Variants in SNAPC4 observed in about 807,000 individuals in gnomAD.
SNAPC4 encodes the protein small nuclear RNA activating complex polypeptide 4.
A neutral mutation model predicts 151.3 loss-of-function variants in SNAPC4; 127 were observed. That is an observed-to-expected ratio of 0.84 (90% CI 0.73 to 0.97). The LOEUF is 0.97. Among genes scored for constraint, SNAPC4 ranks in the 50% least tolerant of loss-of-function variants. The pLI, the probability that SNAPC4 is intolerant of heterozygous loss-of-function variation, is 0.00. For synonymous variants in SNAPC4, 1,002 were observed against 824.4 expected (o/e 1.22, Z -3.69); for missense variants, 2,186 against 1,935.0 (o/e 1.13, Z -2.43).
At position 136,379,000 on chromosome 9, in the gene SNAPC4, G is replaced by T; in HGVS notation, c.2827C>A (p.Pro943Thr). The change falls in exon 22 of 24, where the codon CCG becomes ACG. Residue 943 changes from proline to threonine, a missense_variant. Transcript: ENST00000684778. ...GGTACATTTAAGACGGTGGGACCCG[G>T]GGCTGGGCGGCCGTGTGGGGTGTGT... ...LPHTPHGRPA[P>T]GPTVLNVPLS... 1 of 1,606,968 alleles carries T rather than the reference G, an allele frequency of 6.2e-7. No individual in the cohort carries two copies.
chr9:136,397,737 G>A (rs1412504434), intron 2 of SNAPC4, among the ~76,000 whole-genome samples: 1 of 148,060 alleles, frequency 6.8e-6, no homozygotes, highest in East Asian at 2.0e-4. Flanking sequence ...GAGCACTTGG[G>A]GTGGGGAGCA....
intron 10 of SNAPC4, among the ~76,000 whole-genome samples, chr9:136,391,514 C>T (rs1305869956): frequency 6.6e-6 from 1 of 152,150 alleles, no homozygotes; most frequent in Non-Finnish European, 1.5e-5. Flanking sequence ...GCCTAACAAG[C>T]CTCGTTATCA....
In SNAPC4 at chr9:136,383,251, T is replaced by A; in HGVS notation, c.1918A>T (p.Arg640Trp). Residue 640 changes from arginine to tryptophan, a missense_variant, in exon 16 of 24, where the codon AGG becomes TGG. Coordinates refer to ENST00000684778, the MANE Select transcript of SNAPC4 (RefSeq NM_003086.4). This position sits in a 1 kb window ranked among gnomAD's most constrained non-coding sequence, Gnocchi z 4.2. ...VPARAHGPVP[R>W]SAQASHSADT... is the part of the protein sequence containing the mutation. ...GCTGAGTGGGAGGCCTGGGCAGACCTCGGGACAGGGCCGTGGGCCCTGGCA... is the reference window on the plus strand; with the variant it reads ...GCTGAGTGGGAGGCCTGGGCAGACCACGGGACAGGGCCGTGGGCCCTGGCA... 2 of 1,603,438 alleles carry A rather than the reference T, an allele frequency of 1.2e-6. No homozygotes were observed. The highest frequency in any genetic ancestry group is 1.7e-6 in the Non-Finnish European group (2 of 1,175,436).
chr9:136,385,143 C>A (rs1833848497), intron 13 of SNAPC4, among the ~76,000 whole-genome samples: 1 of 152,206 alleles, frequency 6.6e-6, no homozygotes, highest in South Asian at 2.1e-4. Context: ...TCAACAGACA[C>A]TTCTCTAAAA....
intron 22 of SNAPC4, 113 bp downstream of exon 22, chr9:136,377,430 C>T: frequency 1.5e-6 from 2 of 1,331,988 alleles, no homozygotes; most frequent in Non-Finnish European, 2.0e-6. Context: ...ACCCAGCAGC[C>T]AGCCTTCCTG....
rs150442706 is a variant in SNAPC4 at position 136,398,318 on chromosome 9, G to A, written c.111C>T (p.Leu37=). 2.5e-6 allele frequency: 4 copies of A among 1,612,758 alleles called. No individual in the cohort carries two copies. The highest frequency in any genetic ancestry group is 2.2e-5 in the East Asian group (1 of 44,808). The part of the protein sequence containing the change: ...GSHVEISESS[L]ESDSEADSLP... ...GCTTACCTGCTTCAGAATCTGACTC[G>A]AGACTTGATTCTGAGATCTCCACGT... The change falls in exon 2 of 24, where the codon CTC becomes CTT. Residue 37 remains leucine (L), a synonymous_variant. Transcript: ENST00000684778.
chr9:136,379,701 C>T (rs554906694), intron 21 of SNAPC4, 136 bp downstream of exon 21: 7 of 834,968 alleles, frequency 8.4e-6, no homozygotes, highest in Admixed American at 2.0e-5. Flanking sequence ...TGGTGGGACT[C>T]GAGGGAGCTC....
rs1000896585 is a variant in SNAPC4, at chr9:136,383,635, C to A, written c.1534G>T (p.Ala512Ser). 10 of 1,609,602 alleles carry A rather than the reference C, an allele frequency of 6.2e-6. No individual in the cohort carries two copies. Among genetic ancestry groups the A allele is most frequent in the African/African-American group, 2.7e-5 (2 of 75,000 alleles). ...KQGLRRRRRRARHSVRWSSTS... is the reference protein window; with the variant it reads ...KQGLRRRRRRSRHSVRWSSTS... ...GAGCTCCACCGGACGCTGTGACGGG[C>A]CCTCCGCCGCCGCCTCCGGAGACCC... Residue 512 changes from alanine to serine, a missense_variant, in exon 16 of 24, where the codon GCC (alanine) becomes TCC (serine). Coordinates refer to ENST00000684778, the MANE Select transcript of SNAPC4 (RefSeq NM_003086.4). This position sits in a 1 kb window ranked among gnomAD's most constrained non-coding sequence, Gnocchi z 4.2.
chr9:136,397,876 C>T (rs1834329929), intron 2 of SNAPC4, among the ~76,000 whole-genome samples: 2 of 152,158 alleles, frequency 1.3e-5, no homozygotes, highest in Non-Finnish European at 1.5e-5. Flanking sequence ...GGATGGTCCA[C>T]TCCAGAAGCC....
At chr9:136,382,712 C>G (rs1833743733) in intron 16 of SNAPC4, among the ~76,000 whole-genome samples, 1 of 152,230 alleles carries the variant, frequency 6.6e-6, no homozygotes, top group South Asian at 2.1e-4. Context: ...CCAGGACAGA[C>G]CAGCCTGTTC....
Position 136,392,024 on chromosome 9 carries a change from C to T in SNAPC4, c.893G>A (p.Ser298Asn), listed in dbSNP as rs900934247. The change falls in exon 10 of 24, where the codon AGC becomes AAC. Residue 298 changes from serine (S) to asparagine (N), a missense_variant. Ser to Asn is a conservative substitution (Grantham distance 46, BLOSUM62 1). Transcript: ENST00000684778. ...CTGCAGCCGCTCCTCCTCCTCCCTG[C>T]TCCACTCCTGCTTGTTGATGCTGGG... is the stretch of plus-strand genomic sequence containing the variant. ...EHPSINKQEW[S>N]REEEERLQAI... The T allele has an allele frequency of 1.2e-6, 2 of 1,612,182 alleles. No individual in the cohort carries two copies. Among genetic ancestry groups the T allele is most frequent in the Non-Finnish European group, 8.5e-7 (1 of 1,179,992 alleles).
At chr9:136,398,533 C>A in intron 1 of SNAPC4, 96 bp from the exon 2 acceptor site, 1 of 1,446,564 alleles carries the variant, frequency 6.9e-7, no homozygotes. Context: ...ATGGCAGGAG[C>A]CTGCTCGGCA....
At chr9:136,382,415 G>A (rs1290506359) in intron 16 of SNAPC4, 79 bp from the exon 17 acceptor site, 6 of 1,186,184 alleles carry the variant, frequency 5.1e-6, no homozygotes, top group South Asian at 3.8e-5. Context: ...GCCCACACAC[G>A]ACTGCCTCTT....
At chr9:136,390,185 C>T (rs929763052) in intron 10 of SNAPC4, among the ~76,000 whole-genome samples, 2 of 152,096 alleles carry the variant, frequency 1.3e-5, no homozygotes, top group Non-Finnish European at 2.9e-5. Context: ...GCTGGTCAGG[C>T]GGGTGGGAAA....
chr9:136,392,137 G>T, intron 9 of SNAPC4, 31 bp from the exon 10 acceptor site: 1 of 1,609,004 alleles, frequency 6.2e-7, no homozygotes. Flanking sequence ...AGCCTTGCAG[G>T]CCACTGACCC....
At chr9:136,390,549 T>G (rs1303901686) in intron 10 of SNAPC4, among the ~76,000 whole-genome samples, 1 of 72,646 alleles carries the variant, frequency 1.4e-5, no homozygotes, top group Admixed American at 1.9e-4. Context: ...AGTGAGACTC[T>G]GTTTGAAAAA....
chr9:136,387,901 T>C (rs1251878290), intron 11 of SNAPC4, 53 bp from the exon 12 acceptor site: 14 of 1,002,680 alleles, frequency 1.4e-5, no homozygotes, highest in African/African-American at 4.8e-5. Context: ...ACACCCTCCA[T>C]AGAGTAGACA....
Position 136,392,598 on chromosome 9 carries a change from G to C in SNAPC4, c.738-4C>G, listed in dbSNP as rs771536657. On this transcript the variant is annotated splice_polypyrimidine_tract_variant and splice_region_variant and intron_variant, in intron 8 of 23. Coordinates refer to ENST00000684778, the MANE Select transcript of SNAPC4 (RefSeq NM_003086.4). ...CAAGGCCTCTTCTGGAAGCTGGCTG[G>C]TGGAAGGGATGAGGGTATTGGCACC... 1 of 1,613,886 alleles carries C rather than the reference G, an allele frequency of 6.2e-7. No individual in the cohort carries two copies. The highest frequency in any genetic ancestry group is 1.7e-5 in the Admixed American group (1 of 60,030).
Position 136,395,383 on chromosome 9 carries a change from T to G in SNAPC4, c.386A>C (p.Lys129Thr). Reference sequence around the variant, plus strand: ...GGGCAGGCTTTTGCCATCTTTCACCTTGGTGCCTTTGGACCCAGCCAGATC... The same window carrying G: ...GGGCAGGCTTTTGCCATCTTTCACCGTGGTGCCTTTGGACCCAGCCAGATC... ...MRDLAGSKGT[K>T]VKDGKSLPPS... Residue 129 changes from lysine to threonine, a missense_variant, in exon 5 of 24, where the codon AAG becomes ACG. By Grantham distance (78) the Lys-to-Thr change is moderately conservative (BLOSUM62 -1). Transcript: ENST00000684778. The G allele has an allele frequency of 1.2e-6, 2 of 1,613,556 alleles. No individual in the cohort carries two copies. Among genetic ancestry groups the G allele is most frequent in the Non-Finnish European group, 1.7e-6 (2 of 1,179,972 alleles).
Sources: allele counts gnomAD v4.1 joint callset (sites outside exome capture counted in the v4.1 genomes callset), GRCh38; gene constraint gnomAD v4.1.1; non-coding constraint Gnocchi (gnomAD v3.1); transcripts MANE v1.5; gene names NCBI Gene and HGNC (gene_info 2026-07-23, HGNC 2026-07-21).